Variants in MED13L observed in about 807,000 individuals in gnomAD.
MED13L encodes the protein mediator of RNA polymerase II transcription subunit 13-like.
Under a neutral mutation model 220.9 loss-of-function variants are expected in MED13L, and 7 were observed. The ratio of observed to expected loss-of-function variants is 0.03; its 90% confidence interval spans 0.02 to 0.06. The LOEUF is 0.06. Among genes scored for constraint, MED13L ranks in the 10% least tolerant of loss-of-function variants. The probability of loss-of-function intolerance (pLI) is 1.00; values close to 1 mark genes in which losing one functional copy is unlikely to be tolerated. For synonymous variants in MED13L, 1,011 were observed against 1,015.2 expected (o/e 1.00, Z 0.08); for missense variants, 1,965 against 2,760.5 (o/e 0.71, Z 6.46).
chr12:116,037,247 G>A (rs1188389390), intron 4 of MED13L, among the ~76,000 whole-genome samples: 1 of 152,088 alleles, frequency 6.6e-6, no homozygotes, highest in African/African-American at 2.4e-5. Flanking sequence ...CAAAATTTTT[G>A]AGTGCCTACA....
chr12:116,250,801 T>C (rs1871481074), intron 1 of MED13L, among the ~76,000 whole-genome samples: 2 of 148,930 alleles, frequency 1.3e-5, no homozygotes, highest in Non-Finnish European at 3.0e-5. Flanking sequence ...AAAAAAAAAT[T>C]TGTTTTCTCA....
chr12:116,220,246 A>G (rs1365567196), intron 2 of MED13L, among the ~76,000 whole-genome samples: 2 of 152,250 alleles, frequency 1.3e-5, no homozygotes, highest in African/African-American at 4.8e-5. Flanking sequence ...TAAAATCTCC[A>G]TAAAATAATA....
chr12:116,025,026 A>G (rs535914662), intron 4 of MED13L, among the ~76,000 whole-genome samples: 1 of 152,302 alleles, frequency 6.6e-6, no homozygotes, highest in East Asian at 1.9e-4. Flanking sequence ...TGGTCACTAC[A>G]GCTTTACAGT....
chr12:116,237,501 T>C lies in MED13L; in HGVS notation c.277A>G (p.Asn93Asp), dbSNP rs771759533. ...TCATGATGTATTACACCCACTAGGT[T>C]GGGTTCATCTCCCCACCAGAATATC... ...LWIFWWGDEP[N>D]LVGVIHHELQ... The change falls in exon 2 of 31, where the codon AAC (asparagine) becomes GAC (aspartate). Residue 93 changes from asparagine to aspartate, a missense_variant. Asn to Asp is a conservative substitution (Grantham distance 23). Coordinates refer to ENST00000281928, the MANE Select transcript of MED13L (RefSeq NM_015335.5). 5.0e-6 allele frequency: 8 copies of C among 1,613,982 alleles called. No individual in the cohort carries two copies. Among genetic ancestry groups the C allele is most frequent in the Admixed American group, 1.7e-5 (1 of 60,032 alleles).
chr12:116,258,074 A>T (rs1227799683), intron 1 of MED13L, among the ~76,000 whole-genome samples: 2 of 152,212 alleles, frequency 1.3e-5, no homozygotes, highest in Non-Finnish European at 2.9e-5. Context: ...CTACACTGCT[A>T]ATTTTCAAAA....
chr12:116,242,611 T>A (rs760883968), intron 1 of MED13L, among the ~76,000 whole-genome samples: 30 of 152,100 alleles, frequency 2.0e-4, no homozygotes, highest in Non-Finnish European at 3.7e-4. Flanking sequence ...ACCACCAACA[T>A]CATTATTTAC....
At chr12:116,007,705 T>C in intron 10 of MED13L, 69 bp from the exon 11 acceptor site, 1 of 1,397,844 alleles carries the variant, frequency 7.2e-7, no homozygotes, top group Non-Finnish European at 9.9e-7. Context: ...GTTTAAACTT[T>C]TTGTAAAAAC....
chr12:115,988,391 G>C (rs1186262056), intron 17 of MED13L, among the ~76,000 whole-genome samples: 1 of 152,180 alleles, frequency 6.6e-6, no homozygotes, highest in East Asian at 1.9e-4. Context: ...ACTTGCTGGA[G>C]CTGAGGAGCA....
In MED13L at chr12:115,961,210, T is replaced by A. The variant is rs1395238587; in HGVS notation, c.*56A>T. The A allele has an allele frequency of 1.2e-6, 2 of 1,606,090 alleles. No homozygotes were observed. The highest frequency in any genetic ancestry group is 1.7e-6 in the Non-Finnish European group (2 of 1,172,884). ...TATTTGCAGAGTGTAGCAGGTTCCT[T>A]GGACTGAGGTTGCAGGGAGAAGGAA... is the stretch of plus-strand genomic sequence containing the variant. On this transcript the variant is annotated 3_prime_UTR_variant, in exon 31 of 31. Coordinates refer to ENST00000281928, the MANE Select transcript of MED13L (RefSeq NM_015335.5).
chr12:116,074,238 C>A (rs1241123745), intron 4 of MED13L, among the ~76,000 whole-genome samples: 1 of 152,064 alleles, frequency 6.6e-6, no homozygotes, highest in Non-Finnish European at 1.5e-5. Context: ...CTACTAAAAA[C>A]ACAAAAAGTA....
chr12:116,102,606 C>T (rs1003815502), intron 3 of MED13L, among the ~76,000 whole-genome samples: 5 of 151,044 alleles, frequency 3.3e-5, no homozygotes, highest in African/African-American at 4.9e-5. Flanking sequence ...CTAGAAATTA[C>T]AATGCTCCCA....
intron 1 of MED13L, chr12:116,276,308 TTGTGTG>T (rs372521434): frequency 0.031 from 6,915 of 224,724 alleles, 137 homozygotes; most frequent in African/African-American, 0.072. Context: ...CTTGTTGCTT[TTGTGTG>T]TGTGTGTGTG....
At chr12:116,009,529 T>G (rs1311455088) in intron 9 of MED13L, among the ~76,000 whole-genome samples, 2 of 152,206 alleles carry the variant, frequency 1.3e-5, no homozygotes, top group African/African-American at 4.8e-5. Flanking sequence ...TATAACACTC[T>G]ACTAACTGTA....
chr12:116,149,185 T>C (rs1483607325), intron 2 of MED13L, among the ~76,000 whole-genome samples: 1 of 152,214 alleles, frequency 6.6e-6, no homozygotes, highest in East Asian at 1.9e-4. Context: ...TCCCTCCAAG[T>C]AGACTAACTT....
chr12:116,110,092 AC>A (rs1873950598), intron 3 of MED13L: 1 of 152,158 alleles, frequency 6.6e-6, no homozygotes, highest in South Asian at 2.1e-4. Flanking sequence ...TTTTTCTCAT[AC>A]AAGCTCTTAA....
intron 10 of MED13L, chr12:116,008,083 G>T: frequency 2.7e-6 from 1 of 364,728 alleles, no homozygotes. Context: ...ATACAAAGAA[G>T]GCACTGACAG....
chr12:116,031,726 A>G (rs1592966969), intron 4 of MED13L, among the ~76,000 whole-genome samples: 1 of 82,714 alleles, frequency 1.2e-5, no homozygotes, highest in Non-Finnish European at 2.1e-5. Context: ...AAAAGAAAAG[A>G]AAAGAAAAGA....
chr12:115,966,309 T>G, intron 28 of MED13L, 66 bp from the exon 29 acceptor site: 1 of 1,557,668 alleles, frequency 6.4e-7, no homozygotes, highest in Non-Finnish European at 8.8e-7. Context: ...TGAACTTTCA[T>G]CAGTTCACTC....
chr12:116,197,742 G>A (rs1881727103), intron 2 of MED13L, among the ~76,000 whole-genome samples: 1 of 151,064 alleles, frequency 6.6e-6, no homozygotes, highest in Non-Finnish European at 1.5e-5. Flanking sequence ...TCCAGCCTGG[G>A]CAATAAGAGT....
Sources: allele counts gnomAD v4.1 joint callset (sites outside exome capture counted in the v4.1 genomes callset), GRCh38; gene constraint gnomAD v4.1.1; transcripts MANE v1.5; gene names NCBI Gene and HGNC (gene_info 2026-07-23, HGNC 2026-07-21).